DLGAP4: variants seen among roughly 807,000 people sequenced by gnomAD.
DLGAP4 encodes the protein DLG associated protein 4.
A neutral mutation model predicts 86.9 loss-of-function variants in DLGAP4; 18 were observed. The observed-to-expected ratio is 0.21, with a 90% CI of 0.14 to 0.31. The LOEUF is 0.31. Ranked by LOEUF, DLGAP4 falls within the 10% of genes least tolerant of loss-of-function variation. DLGAP4 has a pLI of 1.00. For missense variants in DLGAP4, 1,085 were observed against 1,362.6 expected, an observed-to-expected ratio of 0.80 and a Z score of 3.21; for synonymous variants, 548 against 574.3, an observed-to-expected ratio of 0.95 and a Z score of 0.65.
chr20:36,336,692 T>G (rs1307588709), intron 1 of DLGAP4, among the ~76,000 whole-genome samples: 2 of 152,128 alleles, frequency 1.3e-5, no homozygotes, highest in African/African-American at 4.8e-5. Flanking sequence ...GCAGGGAAAC[T>G]GGGAAACTGG....
chr20:36,414,899 A>C (rs1048431805), intron 2 of DLGAP4, among the ~76,000 whole-genome samples: 8 of 152,178 alleles, frequency 5.3e-5, no homozygotes, highest in African/African-American at 1.9e-4. Context: ...GTGCTCTGGG[A>C]ATGCAAGGAG....
chr20:36,339,838 G>A (rs1324226907), intron 1 of DLGAP4, among the ~76,000 whole-genome samples: 3 of 152,222 alleles, frequency 2.0e-5, no homozygotes, highest in Non-Finnish European at 4.4e-5. Flanking sequence ...ATTTGCTCAT[G>A]GAGGGGACGC....
chr20:36,471,966 C>A (rs1487088215), intron 7 of DLGAP4, among the ~76,000 whole-genome samples: 1 of 152,150 alleles, frequency 6.6e-6, no homozygotes, highest in Admixed American at 6.5e-5. Context: ...GCTGAGACCT[C>A]TAGAACCTGT....
Position 36,497,534 on chromosome 20 carries a change from A to G in DLGAP4, c.2010+468A>G, listed in dbSNP as rs1034927318. On this transcript the variant is annotated intron_variant, in intron 8 of 12. Coordinates refer to ENST00000339266, the MANE Select transcript of DLGAP4 (RefSeq NM_001365621.2). ...CTGTTGGGCCAGGGGCCCAGGACCC[A>G]GGGCCCTTGAGCCATGGGGGTTGCT... 4.2e-5 allele frequency: 42 copies of G among 992,292 alleles called. No individual in the cohort carries two copies. The Admixed American group carries it at 8.5e-4, about 20-fold the overall frequency. The allele number at this position is 992,292 out of a possible 1,614,324, so 61.5% of individuals were successfully genotyped here.
At chr20:36,513,508 A>G (rs2036848291) in intron 10 of DLGAP4, among the ~76,000 whole-genome samples, 1 of 143,938 alleles carries the variant, frequency 6.9e-6, no homozygotes, top group African/African-American at 2.6e-5. Flanking sequence ...AGATTGCGCC[A>G]CTGCAGTCCG....
intron 7 of DLGAP4, among the ~76,000 whole-genome samples, chr20:36,450,500 A>G (rs558394324): frequency 2.4e-4 from 36 of 151,242 alleles, no homozygotes; most frequent in African/African-American, 8.7e-4. Context: ...CTCCGTCTCA[A>G]AAAAAAAAGA....
At chr20:36,388,571 C>A (rs1569482126) in intron 2 of DLGAP4, among the ~76,000 whole-genome samples, 1 of 152,194 alleles carries the variant, frequency 6.6e-6, no homozygotes, top group Non-Finnish European at 1.5e-5. Context: ...TAGTGGCAGG[C>A]AGCGTGGTAT....
chr20:36,322,092 G>A (rs2065174199), intron 1 of DLGAP4, among the ~76,000 whole-genome samples: 1 of 152,196 alleles, frequency 6.6e-6, no homozygotes, highest in African/African-American at 2.4e-5. Flanking sequence ...ACAGGAACAT[G>A]GGCCCTGACT....
rs149762454 is a variant in DLGAP4 at position 36,426,466 on chromosome 20, G to C, written c.-72-5180G>C. On this transcript the variant is annotated intron_variant, in intron 2 of 12. Transcript: ENST00000339266. ...GGAGGCAGAGGTTGCAGTGAGCCGA[G>C]ATCGCACCACCGCACTCCAGCCTGG... Among the ~76,000 whole-genome samples, 137 of 152,062 alleles carry C rather than the reference G, an allele frequency of 9.0e-4. 3 individuals are homozygous for C. In the East Asian group the frequency reaches 0.024, roughly 27 times the overall value.
At chr20:36,513,375 C>T (rs941097694) in intron 10 of DLGAP4, among the ~76,000 whole-genome samples, 35 of 149,632 alleles carry the variant, frequency 2.3e-4, no homozygotes, top group Non-Finnish European at 3.6e-4. Context: ...GGTGAAACCC[C>T]GTCTCTACTA....
At chr20:36,331,933 G>A (rs1245725744) in intron 1 of DLGAP4, among the ~76,000 whole-genome samples, 1 of 151,872 alleles carries the variant, frequency 6.6e-6, no homozygotes, top group East Asian at 1.9e-4. Context: ...AACTGGGGAG[G>A]TTGTGCTGGC....
intron 1 of DLGAP4, among the ~76,000 whole-genome samples, chr20:36,326,890 G>C (rs1243027752): frequency 6.7e-6 from 1 of 150,256 alleles, no homozygotes; most frequent in Non-Finnish European, 1.5e-5. Flanking sequence ...TTGTTCCACT[G>C]TCTTCTCACT....
chr20:36,452,464 G>A (rs2033761594), intron 7 of DLGAP4, among the ~76,000 whole-genome samples: 1 of 151,858 alleles, frequency 6.6e-6, no homozygotes, highest in African/African-American at 2.4e-5. Context: ...ACAGGTGTGA[G>A]CCACGGCACT....
At chr20:36,428,751 G>C (rs2033047611) in intron 2 of DLGAP4, among the ~76,000 whole-genome samples, 2 of 152,260 alleles carry the variant, frequency 1.3e-5, no homozygotes, top group Admixed American at 6.5e-5. Flanking sequence ...GGCGCACTTT[G>C]TCTCATAGGA....
intron 1 of DLGAP4, among the ~76,000 whole-genome samples, chr20:36,307,472 C>T (rs1600386714): frequency 6.6e-6 from 1 of 152,194 alleles, no homozygotes; most frequent in Admixed American, 6.5e-5. Context: ...TCCTCCGCTG[C>T]CTGTGTTGCA....
intron 2 of DLGAP4, among the ~76,000 whole-genome samples, chr20:36,428,930 G>A (rs1374348551): frequency 6.6e-6 from 1 of 152,110 alleles, no homozygotes; most frequent in Non-Finnish European, 1.5e-5. Context: ...AAAGTGCTGG[G>A]ATTACAGGCG....
intron 7 of DLGAP4, among the ~76,000 whole-genome samples, chr20:36,490,075 C>T (rs1325046428): frequency 1.3e-5 from 2 of 151,906 alleles, no homozygotes; most frequent in Admixed American, 6.6e-5. Context: ...CCAGGCTGGT[C>T]TCGAACTCCT....
At chr20:36,523,715 G>A (rs1376073608) in intron 10 of DLGAP4, among the ~76,000 whole-genome samples, 1 of 152,196 alleles carries the variant, frequency 6.6e-6, no homozygotes, top group African/African-American at 2.4e-5. Context: ...CCAAGCTGGA[G>A]TGCAGTGGCG....
intron 10 of DLGAP4, among the ~76,000 whole-genome samples, chr20:36,523,847 G>T (rs574023111): frequency 6.6e-6 from 1 of 152,252 alleles, no homozygotes; most frequent in Non-Finnish European, 1.5e-5. Context: ...TATATTTGTA[G>T]AGACGGGATT....
Sources: gnomAD v4.1 joint callset for allele counts (sites outside exome capture counted in the v4.1 genomes callset) on GRCh38, gnomAD v4.1.1 for gene constraint, MANE v1.5 for transcripts, NCBI Gene and HGNC (gene_info 2026-07-23, HGNC 2026-07-21) for gene names.